Variants in TPST1 observed in about 807,000 individuals in gnomAD.
TPST1 encodes tyrosylprotein sulfotransferase 1.
A neutral mutation model predicts 34.8 loss-of-function variants in TPST1; 20 were observed. The ratio of observed to expected loss-of-function variants is 0.57; its 90% CI spans 0.40 to 0.84. TPST1 has a LOEUF of 0.84. Ranked by LOEUF, TPST1 falls within the 40% of genes least tolerant of loss-of-function variation. The pLI is 0.00. For synonymous variants in TPST1, 152 were observed against 159.4 expected (o/e 0.95, Z 0.35); for missense variants, 353 against 455.5 (o/e 0.78, Z 2.05).
chr7:66,236,639 C>T (rs912797500), intron 1 of TPST1, among the ~76,000 whole-genome samples: 1 of 152,146 alleles, frequency 6.6e-6, no homozygotes, highest in African/African-American at 2.4e-5. Context: ...ATCTCAACCA[C>T]CTTGGGCACA....
At chr7:66,260,898 A>G (rs1790473137) in intron 2 of TPST1, among the ~76,000 whole-genome samples, 1 of 152,186 alleles carries the variant, frequency 6.6e-6, no homozygotes, top group Non-Finnish European at 1.5e-5. Context: ...AAGAGCAAGC[A>G]CTATTCCTTG....
upstream of TPST1, among the ~76,000 whole-genome samples, chr7:66,201,935 G>T (rs914760491): frequency 4.0e-5 from 6 of 150,484 alleles, no homozygotes; most frequent in Non-Finnish European, 8.8e-5. Flanking sequence ...ACATAGCAAA[G>T]AATTAGTCTC....
intron 2 of TPST1, among the ~76,000 whole-genome samples, chr7:66,254,833 T>A (rs1790350163): frequency 6.6e-6 from 1 of 152,176 alleles, no homozygotes; most frequent in Admixed American, 6.5e-5. Context: ...CTTCTAATAG[T>A]AGTAAGCAAC....
At chr7:66,293,699 A>G (rs1791134879) in intron 3 of TPST1, among the ~76,000 whole-genome samples, 1 of 152,174 alleles carries the variant, frequency 6.6e-6, no homozygotes, top group African/African-American at 2.4e-5. Context: ...CACCATAATT[A>G]TTAGTGACCT....
intron 2 of TPST1, among the ~76,000 whole-genome samples, chr7:66,283,776 T>C (rs1293987721): frequency 1.3e-5 from 2 of 152,198 alleles, no homozygotes; most frequent in Non-Finnish European, 1.5e-5. Flanking sequence ...ATGAAAAGAA[T>C]GGCCTACTTC....
At chr7:66,324,094 C>G (rs542988854) in intron 3 of TPST1, among the ~76,000 whole-genome samples, 12 of 152,304 alleles carry the variant, frequency 7.9e-5, no homozygotes, top group African/African-American at 2.9e-4. Flanking sequence ...AATTCTGATA[C>G]ATGCTACAAT....
intron 1 of TPST1, among the ~76,000 whole-genome samples, chr7:66,221,422 G>A (rs1056116893): frequency 6.6e-6 from 1 of 152,170 alleles, no homozygotes; most frequent in African/African-American, 2.4e-5. Flanking sequence ...CAGAGAGAAA[G>A]TGGTTCATTG....
At chr7:66,266,369 G>A (rs1790592245) in intron 2 of TPST1, among the ~76,000 whole-genome samples, 1 of 152,112 alleles carries the variant, frequency 6.6e-6, no homozygotes, top group Non-Finnish European at 1.5e-5. Context: ...TCACCAGAAT[G>A]GTTAATATTA....
chr7:66,255,003 C>T lies in TPST1; in HGVS notation c.845+13733C>T, dbSNP rs555922567. On this transcript the variant is annotated intron_variant, in intron 2 of 5. Coordinates refer to ENST00000304842, the MANE Select transcript of TPST1 (RefSeq NM_003596.4). ...TCTACTAAAAATACAAAAAATTAGC[C>T]GGGCGTGGTGGCGGGCGCCTGTAGT... Among the ~76,000 whole-genome samples the T allele has an allele frequency of 2.3e-3, 344 of 151,872 alleles. 2 individuals carry two copies. Among genetic ancestry groups the T allele is most frequent in the African/African-American group, 7.8e-3 (325 of 41,440 alleles).
At chr7:66,324,480 T>C (rs571042103) in intron 3 of TPST1, among the ~76,000 whole-genome samples, 1 of 152,212 alleles carries the variant, frequency 6.6e-6, no homozygotes, top group Admixed American at 6.5e-5. Flanking sequence ...AAAAAAGATA[T>C]CTAGATTTCA....
intron 2 of TPST1, among the ~76,000 whole-genome samples, chr7:66,257,781 CTGTTGTTGAG>C (rs1790408824): frequency 6.6e-6 from 1 of 152,144 alleles, no homozygotes; most frequent in Non-Finnish European, 1.5e-5. Flanking sequence ...CCTAGAGCCC[CTGTTGTTGAG>C]TCGCGAGGAC....
In TPST1 at chr7:66,286,725, TA is replaced by T. The variant is rs750279884; in HGVS notation, c.1044+19del. On this transcript the variant is annotated intron_variant, in intron 3 of 5. Transcript: ENST00000304842. ...CACTCGAAGGGTAAGTGAGATTTTTTAAAGCAACTGAGAAAACTAGATTTTG... is the reference window on the plus strand; with the variant it reads ...CACTCGAAGGGTAAGTGAGATTTTTTAAGCAACTGAGAAAACTAGATTTTG... The T allele has an allele frequency of 1.9e-5, 28 of 1,473,566 alleles. No homozygotes were observed. Among genetic ancestry groups the T allele is most frequent in the Non-Finnish European group, 2.5e-5 (28 of 1,104,752 alleles). The allele number at this position is 1,473,566 out of a possible 1,614,324, so 91.3% of individuals were successfully genotyped here. A position where few individuals can be genotyped will look rare whatever the true frequency, so the allele number is the denominator to read the frequency against.
intron 3 of TPST1, among the ~76,000 whole-genome samples, chr7:66,321,913 C>A (rs1260343514): frequency 1.3e-5 from 2 of 152,122 alleles, no homozygotes; most frequent in Non-Finnish European, 2.9e-5. Flanking sequence ...GCCTGGTTTT[C>A]TTTTGAATCA....
chr7:66,293,123 A>G (rs1365650728), intron 3 of TPST1, among the ~76,000 whole-genome samples: 1 of 150,782 alleles, frequency 6.6e-6, no homozygotes, highest in African/African-American at 2.4e-5. Context: ...GGAGAATGGC[A>G]TGAACCCGGG....
At chr7:66,279,528 T>C (rs1790890662) in intron 2 of TPST1, among the ~76,000 whole-genome samples, 1 of 152,228 alleles carries the variant, frequency 6.6e-6, no homozygotes, top group African/African-American at 2.4e-5. Context: ...CTAAACTAAT[T>C]TACATTCCCA....
At chr7:66,254,881 C>CAA (rs1790351634) in intron 2 of TPST1, among the ~76,000 whole-genome samples, 1 of 152,156 alleles carries the variant, frequency 6.6e-6, no homozygotes, top group South Asian at 2.1e-4. Context: ...GGCGTGGTGG[C>CAA]TCACGCCTGT....
At chr7:66,284,313 A>AT (rs966013701) in intron 2 of TPST1, among the ~76,000 whole-genome samples, 22 of 151,904 alleles carry the variant, frequency 1.4e-4, no homozygotes, top group Non-Finnish European at 3.1e-4. Flanking sequence ...GTCAATTCAG[A>AT]TTTTTTCTCT....
intron 3 of TPST1, among the ~76,000 whole-genome samples, chr7:66,304,191 G>A (rs1313852346): frequency 1.3e-5 from 2 of 152,190 alleles, no homozygotes; most frequent in African/African-American, 2.4e-5. Flanking sequence ...GGAATGAGCT[G>A]GATACAGCTA....
chr7:66,221,306 A>G (rs1412712667), intron 1 of TPST1, among the ~76,000 whole-genome samples: 2 of 152,172 alleles, frequency 1.3e-5, no homozygotes, highest in Non-Finnish European at 2.9e-5. Context: ...AGGGAAATCA[A>G]GTAAAGGGAG....
Sources: allele counts gnomAD v4.1 joint callset (sites outside exome capture counted in the v4.1 genomes callset), GRCh38; gene constraint gnomAD v4.1.1; transcripts MANE v1.5; gene names NCBI Gene and HGNC (gene_info 2026-07-23, HGNC 2026-07-21).